ZNRF1: variants seen among roughly 807,000 people sequenced by gnomAD.
ZNRF1 encodes the protein zinc and ring finger 1, also known as E3 ubiquitin-protein ligase ZNRF1.
In ZNRF1, 3 loss-of-function variants were observed where a neutral mutation model predicts 18.4. The observed-to-expected ratio is 0.16, with a 90% CI of 0.07 to 0.42. The LOEUF is 0.42. ZNRF1 is among the 10% of genes least tolerant of loss of function. The pLI is 0.99. For synonymous variants in ZNRF1, 157 were observed against 144.2 expected (o/e 1.09, Z -0.64); for missense variants, 310 against 329.8 (o/e 0.94, Z 0.47).
At chr16:75,010,261 G>A (rs1201108238) in intron 1 of ZNRF1, among the ~76,000 whole-genome samples, 1 of 152,188 alleles carries the variant, frequency 6.6e-6, no homozygotes, top group Admixed American at 6.5e-5. Context: ...GGGATTACAG[G>A]TGTGAGCCAC....
At chr16:75,066,419 T>G (rs1020976517) in intron 1 of ZNRF1, among the ~76,000 whole-genome samples, 1 of 152,242 alleles carries the variant, frequency 6.6e-6, no homozygotes, top group Non-Finnish European at 1.5e-5. Context: ...CCATTTTATG[T>G]TTAACATTCT....
chr16:75,053,557 C>T (rs1375738881), intron 1 of ZNRF1, among the ~76,000 whole-genome samples: 3 of 149,274 alleles, frequency 2.0e-5, no homozygotes, highest in Non-Finnish European at 4.4e-5. Context: ...CCATTGCACT[C>T]CAGCCTTCTG....
At chr16:75,054,017 G>T (rs1046808515) in intron 1 of ZNRF1, among the ~76,000 whole-genome samples, 1 of 152,206 alleles carries the variant, frequency 6.6e-6, no homozygotes, top group Admixed American at 6.5e-5. Context: ...CCCCTTCAGG[G>T]AATAGGACTG....
At chr16:75,031,164 C>T (rs1478667450) in intron 1 of ZNRF1, among the ~76,000 whole-genome samples, 1 of 149,306 alleles carries the variant, frequency 6.7e-6, no homozygotes, top group Non-Finnish European at 1.5e-5. Flanking sequence ...CAGAGTCTTG[C>T]TCTGTTGCCC....
intron 1 of ZNRF1, chr16:75,084,351 C>T (rs1459356972): frequency 6.6e-6 from 1 of 152,170 alleles, no homozygotes; most frequent in Non-Finnish European, 1.5e-5. Flanking sequence ...AGAAGGAAGA[C>T]TTGAGGCTGC....
At chr16:75,027,792 C>T (rs889489176) in intron 1 of ZNRF1, among the ~76,000 whole-genome samples, 1 of 152,168 alleles carries the variant, frequency 6.6e-6, no homozygotes, top group Non-Finnish European at 1.5e-5. Flanking sequence ...TCGCTGTCCT[C>T]ACTCTTAATT....
chr16:75,006,862 A>G (rs539694254), intron 1 of ZNRF1, among the ~76,000 whole-genome samples: 2 of 152,296 alleles, frequency 1.3e-5, no homozygotes, highest in Admixed American at 6.5e-5. Context: ...GAGTGTGAGA[A>G]GGGGATTCTT....
intron 1 of ZNRF1, among the ~76,000 whole-genome samples, chr16:75,071,220 C>T (rs2035866186): frequency 1.3e-5 from 2 of 152,116 alleles, no homozygotes; most frequent in Non-Finnish European, 2.9e-5. Context: ...CTGCCTCAGC[C>T]TCCGAAGTAG....
At chr16:75,094,384 C>G (rs1229861409) in intron 2 of ZNRF1, among the ~76,000 whole-genome samples, 1 of 152,182 alleles carries the variant, frequency 6.6e-6, no homozygotes, top group Non-Finnish European at 1.5e-5. Flanking sequence ...TAACAGGACG[C>G]CTCTGGGAAA....
At chr16:75,089,152 G>T (rs565896152) in intron 1 of ZNRF1, among the ~76,000 whole-genome samples, 1 of 151,722 alleles carries the variant, frequency 6.6e-6, no homozygotes, top group South Asian at 2.1e-4. Context: ...GGCCAGGCTG[G>T]AGTGTAGTGG....
At chr16:75,102,705 C>T (rs2036267787) in intron 2 of ZNRF1, among the ~76,000 whole-genome samples, 1 of 152,204 alleles carries the variant, frequency 6.6e-6, no homozygotes, top group African/African-American at 2.4e-5. Flanking sequence ...GCACCCATGT[C>T]TCTGTTCCAA....
At chr16:75,065,410 G>A (rs943427971) in intron 1 of ZNRF1, among the ~76,000 whole-genome samples, 10 of 152,204 alleles carry the variant, frequency 6.6e-5, no homozygotes, top group African/African-American at 2.2e-4. Context: ...CGCTCTGGCC[G>A]TTTGTTACTT....
At position 74,999,042 on chromosome 16, in the gene ZNRF1, AGGAGCGCCGGCGAG is replaced by A. The variant is rs2034795346; in HGVS notation, c.-629_-616del. 3 of 150,604 alleles carry A rather than the reference AGGAGCGCCGGCGAG, an allele frequency of 2.0e-5. No homozygotes were observed. Among genetic ancestry groups the A allele is most frequent in the African/African-American group, 7.3e-5 (3 of 41,130 alleles). The allele number at this position is 150,604 out of a possible 1,614,324, so 9.3% of individuals were successfully genotyped here. ...GCCCTCCATTGTCTCCACGGCGGCG[AGGAGCGCCGGCGAG>A]CGCAGCCCGGGACCGAGCGGGGCGG... On this transcript the variant is annotated 5_prime_UTR_variant, in exon 1 of 5. Coordinates refer to ENST00000335325, the MANE Select transcript of ZNRF1 (RefSeq NM_032268.5).
At chr16:75,068,571 C>A (rs1379356864) in intron 1 of ZNRF1, among the ~76,000 whole-genome samples, 3 of 152,022 alleles carry the variant, frequency 2.0e-5, no homozygotes, top group African/African-American at 7.3e-5. Context: ...AAATATTTGT[C>A]CAAAAAGCTA....
chr16:75,069,902 C>G (rs1219733686), intron 1 of ZNRF1, among the ~76,000 whole-genome samples: 1 of 152,172 alleles, frequency 6.6e-6, no homozygotes, highest in Non-Finnish European at 1.5e-5. Flanking sequence ...CAGCCCATTC[C>G]CCTTGTAGAG....
In ZNRF1 at chr16:75,079,354, C is replaced by G. The variant is rs146051019; in HGVS notation, c.425-14218C>G. ...AATTCGCTGGGCATGGTGGCACACG[C>G]CTATAGTCCCAGCTACTCGGGAGGC... On this transcript the variant is annotated intron_variant, in intron 1 of 4. Transcript: ENST00000335325. Among the ~76,000 whole-genome samples the G allele has an allele frequency of 2.7e-3, 407 of 152,290 alleles. 10 individuals are homozygous for G. The East Asian group carries it at 0.066, about 25-fold the overall frequency.
intron 1 of ZNRF1, among the ~76,000 whole-genome samples, chr16:75,041,103 T>A (rs2035442012): frequency 6.6e-6 from 1 of 152,318 alleles, no homozygotes; most frequent in Middle Eastern, 3.4e-3. Flanking sequence ...AACATTCATG[T>A]TCGTGATTTT....
chr16:75,072,003 A>G (rs906536822), intron 1 of ZNRF1, among the ~76,000 whole-genome samples: 1 of 152,040 alleles, frequency 6.6e-6, no homozygotes, highest in Non-Finnish European at 1.5e-5. Context: ...CAGTGGCATG[A>G]TCATGGCTTA....
At chr16:75,021,288 C>T (rs1453900809) in intron 1 of ZNRF1, among the ~76,000 whole-genome samples, 2 of 152,192 alleles carry the variant, frequency 1.3e-5, no homozygotes, top group Non-Finnish European at 2.9e-5. Context: ...ATCCATCTGC[C>T]TCGGCCTCCC....
Sources: gnomAD v4.1 joint callset for allele counts (sites outside exome capture counted in the v4.1 genomes callset) on GRCh38, gnomAD v4.1.1 for gene constraint, MANE v1.5 for transcripts, NCBI Gene and HGNC (gene_info 2026-07-23, HGNC 2026-07-21) for gene names.